TLK2: variants seen among roughly 807,000 people sequenced by gnomAD.
TLK2 encodes tousled like kinase 2, also known as serine/threonine-protein kinase tousled-like 2.
A neutral mutation model predicts 117.3 loss-of-function variants in TLK2; 6 were observed. That is an observed-to-expected ratio of 0.05 (90% CI 0.03 to 0.10). The LOEUF (loss-of-function observed/expected upper bound fraction) is 0.10. Ranked by LOEUF, TLK2 falls within the 10% of genes least tolerant of loss-of-function variation. The probability of loss-of-function intolerance (pLI) is 1.00; values close to 1 mark genes in which losing one functional copy is unlikely to be tolerated. For synonymous variants in TLK2, 257 were observed against 316.7 expected, an observed-to-expected ratio of 0.81 and a Z score of 2.00; for missense variants, 299 against 901.2, an observed-to-expected ratio of 0.33 and a Z score of 8.56.
chr17:62,604,689 T>TC (rs1248985090), intron 19 of TLK2, among the ~76,000 whole-genome samples: 2 of 151,556 alleles, frequency 1.3e-5, no homozygotes, highest in African/African-American at 4.9e-5. Context: ...GGCGGGCGGA[T>TC]CATGAGGTCA....
intron 15 of TLK2, among the ~76,000 whole-genome samples, chr17:62,581,364 C>T (rs1444467819): frequency 6.6e-6 from 1 of 151,812 alleles, no homozygotes; most frequent in Non-Finnish European, 1.5e-5. Flanking sequence ...CGACTGACAT[C>T]ACTACATCAC....
At chr17:62,506,466 G>C (rs2145139383) in intron 2 of TLK2, among the ~76,000 whole-genome samples, 1 of 152,324 alleles carries the variant, frequency 6.6e-6, no homozygotes, top group South Asian at 2.1e-4. Context: ...ACCAGTTCCA[G>C]TAGGAATTTT....
intron 8 of TLK2, 93 bp downstream of exon 8, chr17:62,552,490 C>G (rs369111564): frequency 1.1e-5 from 18 of 1,573,890 alleles, no homozygotes; most frequent in Admixed American, 5.5e-5. Context: ...TCTGACTTCT[C>G]TGTATTTCTC....
rs922450007 is a variant in TLK2 at position 62,538,282 on chromosome 17, G to A, written c.531+1945G>A. On this transcript the variant is annotated intron_variant, in intron 7 of 21. Coordinates refer to ENST00000346027, the MANE Select transcript of TLK2 (RefSeq NM_006852.6). ...GATCTCCTGACCTCGTGATCCGCCC[G>A]CCTCAGCCTCCCAAAGTGCTGGGAT... 4.6e-5 allele frequency among the ~76,000 whole-genome samples: 7 copies of A among 151,974 alleles called. No individual in the cohort carries two copies. In the East Asian group the frequency reaches 5.8e-4, roughly 13 times the overall value.
chr17:62,579,042 A>G (rs1167094287), intron 14 of TLK2, among the ~76,000 whole-genome samples: 4 of 152,228 alleles, frequency 2.6e-5, no homozygotes, highest in African/African-American at 4.8e-5. Context: ...CATTAATTGT[A>G]GATGAATTGA....
intron 2 of TLK2, among the ~76,000 whole-genome samples, chr17:62,518,214 A>G (rs1264802857): frequency 6.6e-6 from 1 of 152,220 alleles, no homozygotes; most frequent in Non-Finnish European, 1.5e-5. Flanking sequence ...ATGGGTTAAT[A>G]TAGTTTTTAA....
At chr17:62,577,295 A>G (rs1482079998) in intron 13 of TLK2, among the ~76,000 whole-genome samples, 1 of 151,944 alleles carries the variant, frequency 6.6e-6, no homozygotes, top group Non-Finnish European at 1.5e-5. Flanking sequence ...AATTCCAGCA[A>G]CCCAATGACA....
chr17:62,510,347 A>G (rs1327537772), intron 2 of TLK2, among the ~76,000 whole-genome samples: 3 of 152,174 alleles, frequency 2.0e-5, no homozygotes, highest in Non-Finnish European at 4.4e-5. Context: ...GGTGAGAAGT[A>G]CTTTTTTTGA....
chr17:62,576,966 C>CTTTTTT (rs59523807), intron 13 of TLK2, among the ~76,000 whole-genome samples, 191 bp downstream of exon 13: 2 of 115,948 alleles, frequency 1.7e-5, no homozygotes, highest in Non-Finnish European at 3.5e-5. Context: ...CTTTCTTCTT[C>CTTTTTT]TTTTTTTTTT....
chr17:62,527,455 T>C (rs1273183090), intron 6 of TLK2, among the ~76,000 whole-genome samples: 1 of 152,002 alleles, frequency 6.6e-6, no homozygotes, highest in Non-Finnish European at 1.5e-5. Flanking sequence ...GAAGTCCCCC[T>C]GAGTTCCCTT....
intron 2 of TLK2, among the ~76,000 whole-genome samples, chr17:62,486,284 A>G (rs944343249): frequency 5.9e-5 from 9 of 151,934 alleles, no homozygotes; most frequent in Non-Finnish European, 8.8e-5. Context: ...AGCCTCCCCA[A>G]GTAGCTAGGA....
chr17:62,595,136 A>G (rs2082375237), intron 16 of TLK2, among the ~76,000 whole-genome samples: 1 of 151,882 alleles, frequency 6.6e-6, no homozygotes. Context: ...TAATTTTTGT[A>G]TTTTTAGTAG....
chr17:62,493,117 C>T (rs1045464092), intron 2 of TLK2, among the ~76,000 whole-genome samples: 6 of 151,900 alleles, frequency 3.9e-5, no homozygotes, highest in South Asian at 2.1e-4. Context: ...ACAATGACAA[C>T]GAAAAAACCT....
intron 2 of TLK2, among the ~76,000 whole-genome samples, chr17:62,514,359 G>A (rs774578376): frequency 6.6e-6 from 1 of 151,178 alleles, no homozygotes; most frequent in Non-Finnish European, 1.5e-5. Context: ...TGGCCAGGCT[G>A]GTCTCAAACT....
At chr17:62,528,632 G>A (rs1164523658) in intron 6 of TLK2, among the ~76,000 whole-genome samples, 2 of 152,054 alleles carry the variant, frequency 1.3e-5, no homozygotes, top group Non-Finnish European at 2.9e-5. Context: ...GGCCAGGCTG[G>A]CCTCTATCTC....
intron 12 of TLK2, among the ~76,000 whole-genome samples, 200 bp downstream of exon 12, chr17:62,573,567 G>T (rs1285277456): frequency 3.9e-5 from 6 of 151,994 alleles, no homozygotes; most frequent in African/African-American, 1.5e-4. Flanking sequence ...CTTTCTTTAG[G>T]GCATTTTGAA....
chr17:62,570,528 T>C (rs936977864), intron 11 of TLK2, among the ~76,000 whole-genome samples: 7 of 152,234 alleles, frequency 4.6e-5, no homozygotes, highest in African/African-American at 1.7e-4. Context: ...CCAGCCTTTG[T>C]ACTCCCAAAA....
intron 7 of TLK2, among the ~76,000 whole-genome samples, chr17:62,544,146 A>G (rs992552406): frequency 6.6e-6 from 1 of 152,182 alleles, no homozygotes; most frequent in African/African-American, 2.4e-5. Context: ...TTACAGCAAG[A>G]GGTTTATTTA....
At chr17:62,553,100 G>C (rs1460516374) in intron 8 of TLK2, among the ~76,000 whole-genome samples, 2 of 152,110 alleles carry the variant, frequency 1.3e-5, no homozygotes, top group Non-Finnish European at 2.9e-5. Flanking sequence ...AGGCTCTTTT[G>C]ATACTATATA....
Sources: gnomAD v4.1 joint callset for allele counts (sites outside exome capture counted in the v4.1 genomes callset) on GRCh38, gnomAD v4.1.1 for gene constraint, MANE v1.5 for transcripts, NCBI Gene and HGNC (gene_info 2026-07-23, HGNC 2026-07-21) for gene names.